The following TENM4 variants were observed in gnomAD, a reference collection of about 807,000 sequenced individuals.
The protein encoded by TENM4 is teneurin-4.
Under a neutral mutation model 243.3 loss-of-function variants are expected in TENM4, and 82 were observed. That is an observed-to-expected ratio of 0.34 (90% CI 0.28 to 0.40). TENM4 has a LOEUF of 0.40. Among genes scored for constraint, TENM4 ranks in the 10% least tolerant of loss-of-function variants. TENM4 has a pLI of 1.00. For synonymous variants in TENM4, 1,412 were observed against 1,456.3 expected (o/e 0.97, Z 0.69); for missense variants, 3,138 against 3,673.3 (o/e 0.85, Z 3.77).
chr11:78,936,553 G>C lies in TENM4; in HGVS notation c.494-33030C>G, dbSNP rs551102640. ...ACTGGAAAAGGGGCCATCAGAAAGA[G>C]TATTTACCAAGTACCTAAATATACT... On this transcript the variant is annotated intron_variant, in intron 6 of 33. Transcript: ENST00000278550. Among the ~76,000 whole-genome samples, 4 of 152,304 alleles carry C rather than the reference G, an allele frequency of 2.6e-5. 1 individual carries two copies. In the South Asian group the frequency reaches 8.3e-4, roughly 32 times the overall value.
chr11:79,080,314 G>A (rs779940134), intron 4 of TENM4, among the ~76,000 whole-genome samples: 5 of 152,234 alleles, frequency 3.3e-5, no homozygotes, highest in Non-Finnish European at 7.3e-5. Flanking sequence ...GAGCCCACAG[G>A]AATGTCAGAA....
At chr11:79,248,702 G>T (rs1590824790) in intron 2 of TENM4, among the ~76,000 whole-genome samples, 1 of 152,174 alleles carries the variant, frequency 6.6e-6, no homozygotes, top group Non-Finnish European at 1.5e-5. Flanking sequence ...GTTATGAAGT[G>T]CACTTAACAC....
At chr11:79,138,038 G>C (rs1411441701) in intron 4 of TENM4, among the ~76,000 whole-genome samples, 1 of 151,564 alleles carries the variant, frequency 6.6e-6, no homozygotes, top group Non-Finnish European at 1.5e-5. Context: ...CAGTGGGCTG[G>C]GAAAAGCAGA....
chr11:78,757,092 ATTCAT>A, intron 18 of TENM4, 71 bp from the exon 19 acceptor site: 2 of 1,439,270 alleles, frequency 1.4e-6, no homozygotes, highest in Non-Finnish European at 1.9e-6. Flanking sequence ...GAATGCCTTA[ATTCAT>A]TTCTTCTCTA....
At position 78,655,054 on chromosome 11, in the gene TENM4, C is replaced by T. The variant is rs1857858691; in HGVS notation, c.*3004G>A. On this transcript the variant is annotated 3_prime_UTR_variant, in exon 34 of 34. Transcript: ENST00000278550. ...GGGCCGGTCCTCTCAGGATGGGAGTCGATGCTTGGAGCCTATTACATAGGC... is the reference window on the plus strand; with the variant it reads ...GGGCCGGTCCTCTCAGGATGGGAGTTGATGCTTGGAGCCTATTACATAGGC... The T allele has an allele frequency of 6.6e-6, 1 of 152,166 alleles. No individual in the cohort carries two copies. The highest frequency in any genetic ancestry group is 2.1e-4 in the South Asian group (1 of 4,816). The allele number at this position is 152,166 out of a possible 1,614,324, so 9.4% of individuals were successfully genotyped here.
chr11:79,439,643 C>T (rs1444855514), intron 1 of TENM4, among the ~76,000 whole-genome samples: 2 of 138,430 alleles, frequency 1.4e-5, no homozygotes, highest in Non-Finnish European at 3.2e-5. Context: ...GTTGTGTATT[C>T]CTCGGTTGCG....
chr11:78,722,596 T>TAATGTGGCGG, intron 24 of TENM4, 72 bp downstream of exon 24: 2 of 1,552,390 alleles, frequency 1.3e-6, no homozygotes, highest in Non-Finnish European at 1.7e-6. Flanking sequence ...GCTCAGCAGG[T>TAATGTGGCGG]AATGTGGCGG....
intron 6 of TENM4, among the ~76,000 whole-genome samples, chr11:78,982,094 A>G (rs1433313697): frequency 3.3e-5 from 5 of 152,176 alleles, no homozygotes; most frequent in Non-Finnish European, 7.3e-5. Context: ...TAGGATAATA[A>G]TATCCGCTTT....
chr11:78,776,944 T>A (rs1235927596), intron 17 of TENM4, among the ~76,000 whole-genome samples: 1 of 151,846 alleles, frequency 6.6e-6, no homozygotes, highest in Non-Finnish European at 1.5e-5. Context: ...AAATGCAGAG[T>A]CCTGGTTCTG....
intron 19 of TENM4, among the ~76,000 whole-genome samples, chr11:78,755,510 G>A (rs1251874019): frequency 6.6e-6 from 1 of 152,106 alleles, no homozygotes; most frequent in Non-Finnish European, 1.5e-5. Flanking sequence ...TCAACTGCTT[G>A]TTCATTGATG....
chr11:79,047,560 CTCTG>C (rs2136924801), intron 6 of TENM4, among the ~76,000 whole-genome samples: 2 of 152,310 alleles, frequency 1.3e-5, no homozygotes, highest in South Asian at 4.1e-4. Context: ...CCTGGAAGTG[CTCTG>C]TCTGTGAACA....
At chr11:79,171,845 A>G (rs1398383080) in intron 3 of TENM4, among the ~76,000 whole-genome samples, 1 of 152,188 alleles carries the variant, frequency 6.6e-6, no homozygotes, top group African/African-American at 2.4e-5. Context: ...ATTTCAAAGC[A>G]CTTCCCCAAC....
chr11:79,039,311 G>A (rs1402173528), intron 6 of TENM4, among the ~76,000 whole-genome samples: 1 of 152,170 alleles, frequency 6.6e-6, no homozygotes, highest in African/African-American at 2.4e-5. Flanking sequence ...TTGTGGTGAT[G>A]GCAAAGTGAA....
chr11:79,263,857 T>G (rs1259537074), intron 2 of TENM4, among the ~76,000 whole-genome samples: 1 of 152,200 alleles, frequency 6.6e-6, no homozygotes, highest in East Asian at 1.9e-4. Flanking sequence ...TATTGAAATC[T>G]GTGCAAACTT....
At chr11:79,079,311 GCTT>G (rs1198251300) in intron 4 of TENM4, among the ~76,000 whole-genome samples, 1 of 152,254 alleles carries the variant, frequency 6.6e-6, no homozygotes, top group Non-Finnish European at 1.5e-5. Context: ...TATGGGCACT[GCTT>G]CTCTGATCCT....
chr11:79,299,166 T>G (rs952475777), intron 1 of TENM4, among the ~76,000 whole-genome samples: 2 of 152,196 alleles, frequency 1.3e-5, no homozygotes, highest in Non-Finnish European at 2.9e-5. Flanking sequence ...CCATGTACTA[T>G]GCCAACTCCC....
chr11:78,852,454 G>C (rs900163802), intron 12 of TENM4, among the ~76,000 whole-genome samples: 13 of 152,174 alleles, frequency 8.5e-5, no homozygotes, highest in African/African-American at 3.1e-4. Flanking sequence ...GGAAGTCAAA[G>C]TGGGCGGCTC....
At chr11:79,201,832 C>A (rs190742391) in intron 3 of TENM4, among the ~76,000 whole-genome samples, 165 of 152,218 alleles carry the variant, frequency 1.1e-3, no homozygotes, top group Non-Finnish European at 4.9e-4. Context: ...ATGGGAAGAT[C>A]AGTGTGGGCT....
At chr11:79,278,342 G>C (rs897909151) in intron 2 of TENM4, among the ~76,000 whole-genome samples, 1 of 152,162 alleles carries the variant, frequency 6.6e-6, no homozygotes, top group Non-Finnish European at 1.5e-5. Context: ...AAATGAGACT[G>C]GCCGGACAAA....
Sources: gnomAD v4.1 joint callset for allele counts (sites outside exome capture counted in the v4.1 genomes callset) on GRCh38, gnomAD v4.1.1 for gene constraint, MANE v1.5 for transcripts, NCBI Gene and HGNC (gene_info 2026-07-23, HGNC 2026-07-21) for gene names.